Variants in IQANK1 observed in about 807,000 individuals in gnomAD.
IQANK1 encodes the protein IQ motif and ankyrin repeat containing 1, also known as IQ motif and ankyrin repeat domain-containing protein 1.
IQANK1 carries 30 observed loss-of-function variants against 22.6 expected under a neutral mutation model. The ratio of observed to expected loss-of-function variants is 1.33; its 90% confidence interval spans 0.99 to 1.80. The LOEUF (loss-of-function observed/expected upper bound fraction) is 1.80. Among genes scored for constraint, IQANK1 ranks in the 40% most tolerant of loss-of-function variants. The pLI, the probability that IQANK1 is intolerant of heterozygous loss-of-function variation, is 0.00. For synonymous variants in IQANK1, 122 were observed against 99.6 expected (o/e 1.23, Z -1.34); for missense variants, 275 against 235.2 (o/e 1.17, Z -1.11).
At chr8:143,736,299 C>T (rs930234203) in intron 2 of IQANK1, among the ~76,000 whole-genome samples, 4 of 152,102 alleles carry the variant, frequency 2.6e-5, no homozygotes, top group Admixed American at 1.3e-4. Context: ...GCCACCACGC[C>T]CTGCTGATTT....
In IQANK1 at chr8:143,751,648, G is replaced by A. The variant is rs374618185; in HGVS notation, c.175+11700G>A. Among the ~76,000 whole-genome samples the A allele has an allele frequency of 1.2e-3, 32 of 26,048 alleles. 1 individual carries two copies. The highest frequency in any genetic ancestry group is 2.1e-3 in the Non-Finnish European group (21 of 9,966). 17.1% of individuals were successfully genotyped at this position (26,048 alleles called of 152,430 possible). ...AAAGTGTGTGTGTGTGTGTGTGTGT[G>A]TGTGTGTGTGTGTGTGTATATATAT... On this transcript the variant is annotated intron_variant, in intron 3 of 13. Coordinates refer to ENST00000527139, the MANE Select transcript of IQANK1 (RefSeq NM_001381874.1).
At chr8:143,745,348 C>G (rs1682238893) in intron 3 of IQANK1, 1 of 152,222 alleles carries the variant, frequency 6.6e-6, no homozygotes, top group African/African-American at 2.4e-5. Flanking sequence ...CTGTTTTCCC[C>G]AATATCAACC....
chr8:143,747,623 T>C (rs1480341921), intron 3 of IQANK1, among the ~76,000 whole-genome samples: 1 of 144,318 alleles, frequency 6.9e-6, no homozygotes, highest in Non-Finnish European at 1.5e-5. Flanking sequence ...TTTGATCCAT[T>C]GACTGTTGAA....
At chr8:143,784,530 G>C (rs575842219) in intron 7 of IQANK1, among the ~76,000 whole-genome samples, 1 of 152,156 alleles carries the variant, frequency 6.6e-6, no homozygotes, top group Non-Finnish European at 1.5e-5. Context: ...TGTGAGAATG[G>C]ACTAATACAG....
chr8:143,738,017 G>A (rs1818789363), intron 2 of IQANK1, among the ~76,000 whole-genome samples: 1 of 152,206 alleles, frequency 6.6e-6, no homozygotes, highest in Non-Finnish European at 1.5e-5. Flanking sequence ...TCTCGAGGCT[G>A]CCTGTGGCTG....
At chr8:143,744,369 C>T (rs1233099204) in intron 3 of IQANK1, 1 of 152,684 alleles carries the variant, frequency 6.5e-6, no homozygotes, top group Admixed American at 6.5e-5. Context: ...CAAGACGAGG[C>T]AGGGAAGGAG....
intron 3 of IQANK1, among the ~76,000 whole-genome samples, chr8:143,769,994 T>TCGG (rs1157945943): frequency 5.9e-5 from 9 of 152,296 alleles, no homozygotes; most frequent in African/African-American, 1.9e-4. Flanking sequence ...TCCCAGCTAC[T>TCGG]CGGAGGCTGA....
rs1178777578 is a variant in IQANK1, at chr8:143,735,061, G to A, written c.-4-789G>A. On this transcript the variant is annotated intron_variant, in intron 1 of 13. Transcript: ENST00000527139. This position sits in a 1 kb window ranked among gnomAD's most constrained non-coding sequence, Gnocchi z 5.2. Reference sequence around the variant, plus strand: ...AGTCGCCTTTCTCTTTGTTCCTCTTGCCATGTGATCCTATTTTCTGTTTTC... The same window carrying A: ...AGTCGCCTTTCTCTTTGTTCCTCTTACCATGTGATCCTATTTTCTGTTTTC... 6.6e-6 allele frequency among the ~76,000 whole-genome samples: 1 copy of A among 152,124 alleles called. No homozygotes were observed. The highest frequency in any genetic ancestry group is 1.5e-5 in the Non-Finnish European group (1 of 68,042).
At chr8:143,782,648 T>G (rs1238443725) in intron 7 of IQANK1, among the ~76,000 whole-genome samples, 1 of 152,136 alleles carries the variant, frequency 6.6e-6, no homozygotes, top group Admixed American at 6.5e-5. Flanking sequence ...GCCCAGCTAA[T>G]TTTGTATTAG....
rs187877801 is a variant in IQANK1, at chr8:143,790,136, G to C, written c.1290-1G>C. The C allele has an allele frequency of 8.1e-7, 1 of 1,232,058 alleles. No individual in the cohort carries two copies. Among genetic ancestry groups the C allele is most frequent in the Middle Eastern group, 3.1e-4 (1 of 3,208 alleles). 76.3% of individuals were successfully genotyped at this position (1,232,058 alleles called of 1,614,324 possible). A position where few individuals can be genotyped will look rare whatever the true frequency, so the allele number is the denominator to read the frequency against. On this transcript the variant is annotated splice_acceptor_variant, in intron 12 of 13. Coordinates refer to ENST00000527139, the MANE Select transcript of IQANK1 (RefSeq NM_001381874.1). LOFTEE classifies it high-confidence loss of function. ...AGCAGTGACCTGATGGGTGTCCCCA[G>C]GTGGCCTCTTGTTATTGACCCTTTG...
At chr8:143,773,314 A>ACAAC (rs1490184339) in intron 7 of IQANK1, among the ~76,000 whole-genome samples, 115 of 77,200 alleles carry the variant, frequency 1.5e-3, no homozygotes, top group African/African-American at 8.7e-3. Flanking sequence ...AAAAAAAAAA[A>ACAAC]AACAAAAAAA....
At position 143,790,220 on chromosome 8, in the gene IQANK1, C is replaced by T. The variant is rs548932055; in HGVS notation, c.1373C>T (p.Pro458Leu). The change falls in exon 13 of 14, where the codon CCG becomes CTG. Residue 458 changes from proline to leucine, a missense_variant. By Grantham distance (98) the Pro-to-Leu change is moderately conservative. Transcript: ENST00000527139. ...QDTNYVDTVNPEPLRPETMWL... is the reference protein window; with the variant it reads ...QDTNYVDTVNLEPLRPETMWL... ...ACCAACTATGTGGACACGGTGAACC[C>T]GGAGCCCCTGAGGCCGGAGACGATG... 198 of 1,232,114 alleles carry T rather than the reference C, an allele frequency of 1.6e-4. No individual in the cohort carries two copies. In the Middle Eastern group the frequency reaches 2.2e-3, roughly 14 times the overall value. 76.3% of individuals were successfully genotyped at this position (1,232,114 alleles called of 1,614,324 possible).
chr8:143,788,596 G>A (rs1227658379), intron 7 of IQANK1, among the ~76,000 whole-genome samples: 1 of 152,248 alleles, frequency 6.6e-6, no homozygotes, highest in African/African-American at 2.4e-5. Context: ...GAGTCTGACA[G>A]AGGCGGGAAG....
rs983868678 is a variant in IQANK1 at position 143,771,590 on chromosome 8, T to G, written c.278T>G (p.Leu93Arg). Reference sequence around the variant, plus strand: ...CGCCGGGAGGAGCGCCGGGAGTACCTGGAGCAGATGGAGACGCCGCAGAAG... The same window carrying G: ...CGCCGGGAGGAGCGCCGGGAGTACCGGGAGCAGATGGAGACGCCGCAGAAG... ...ARRREERREY[L>R]EQMETPQKEA... The change falls in exon 4 of 14, where the codon CTG becomes CGG. Residue 93 changes from leucine to arginine, a missense_variant. Physicochemically the swap from Leu to Arg is moderately radical, Grantham distance 102. Coordinates refer to ENST00000527139, the MANE Select transcript of IQANK1 (RefSeq NM_001381874.1). The surrounding 1 kb of genome is among the most constrained non-coding windows in gnomAD (Gnocchi z 6.0). 1 of 397,854 alleles carries G rather than the reference T, an allele frequency of 2.5e-6. No homozygotes were observed. Among genetic ancestry groups the G allele is most frequent in the Admixed American group, 4.4e-5 (1 of 22,666 alleles). 24.6% of individuals were successfully genotyped at this position (397,854 alleles called of 1,614,324 possible).
chr8:143,762,214 G>A (rs1432673302), intron 3 of IQANK1, among the ~76,000 whole-genome samples: 1 of 152,070 alleles, frequency 6.6e-6, no homozygotes, highest in African/African-American at 2.4e-5. Context: ...GGGAGGCTGA[G>A]GTGGGAATCG....
At position 143,741,930 on chromosome 8, in the gene IQANK1, T is replaced by A. The variant is rs545099959; in HGVS notation, c.175+1982T>A. ...CTGCGTGGGTGGGACCTGCTCTAGA[T>A]CCATCTTGGAAAATGAGCTCATGCC... On this transcript the variant is annotated intron_variant, in intron 3 of 13. Coordinates refer to ENST00000527139, the MANE Select transcript of IQANK1 (RefSeq NM_001381874.1). 558 of 212,034 alleles carry A rather than the reference T, an allele frequency of 2.6e-3. 2 individuals carry two copies. Among genetic ancestry groups the A allele is most frequent in the South Asian group, 0.013 (158 of 11,984 alleles). The allele number at this position is 212,034 out of a possible 1,614,324, so 13.1% of individuals were successfully genotyped here.
At chr8:143,773,326 C>CAAAA (rs1563777460) in intron 7 of IQANK1, among the ~76,000 whole-genome samples, 1 of 121,580 alleles carries the variant, frequency 8.2e-6, no homozygotes, top group African/African-American at 3.9e-5. Context: ...ACAAAAAAAA[C>CAAAA]ACAAAAAAAA....
intron 3 of IQANK1, among the ~76,000 whole-genome samples, chr8:143,757,640 A>G (rs1819318091): frequency 6.6e-6 from 1 of 151,866 alleles, no homozygotes; most frequent in South Asian, 2.1e-4. Flanking sequence ...CTTGGCCACA[A>G]TGTGTCTTTC....
intron 3 of IQANK1, among the ~76,000 whole-genome samples, chr8:143,761,918 A>G (rs1235508167): frequency 6.6e-6 from 1 of 152,196 alleles, no homozygotes; most frequent in Non-Finnish European, 1.5e-5. Flanking sequence ...CCTCTATAGG[A>G]CATATATAAA....
Sources: gnomAD v4.1 joint callset for allele counts (sites outside exome capture counted in the v4.1 genomes callset) on GRCh38, gnomAD v4.1.1 for gene constraint, Gnocchi (gnomAD v3.1) non-coding constraint, MANE v1.5 for transcripts, NCBI Gene and HGNC (gene_info 2026-07-23, HGNC 2026-07-21) for gene names.